The following C14orf39 variants were observed in gnomAD, a reference collection of about 807,000 sequenced individuals.
The protein encoded by C14orf39 is chromosome 14 open reading frame 39.
C14orf39 carries 66 observed loss-of-function variants against 85.6 expected under a neutral mutation model. That is an observed-to-expected ratio of 0.77 (90% CI 0.63 to 0.95). The LOEUF (loss-of-function observed/expected upper bound fraction) is 0.95, where lower values mean the gene tolerates loss of function less well. Ranked by LOEUF, C14orf39 falls within the 40% of genes least tolerant of loss-of-function variation. The pLI, the probability that C14orf39 is intolerant of heterozygous loss-of-function variation, is 0.00. For missense variants in C14orf39, 735 were observed against 663.9 expected, an observed-to-expected ratio of 1.11 and a Z score of -1.18; for synonymous variants, 242 against 214.0, an observed-to-expected ratio of 1.13 and a Z score of -1.14.
intron 5 of C14orf39, among the ~76,000 whole-genome samples, chr14:60,472,829 A>G (rs1039009282): frequency 3.3e-5 from 5 of 152,118 alleles, no homozygotes; most frequent in African/African-American, 1.2e-4. Flanking sequence ...CTTGGTTCCA[A>G]GTCTTTGCTA....
chr14:60,436,954 T>C lies in C14orf39; in HGVS notation c.1655A>G (p.Asp552Gly). The C allele has an allele frequency of 6.2e-7, 1 of 1,612,970 alleles. No individual in the cohort carries two copies. Among genetic ancestry groups the C allele is most frequent in the Non-Finnish European group, 8.5e-7 (1 of 1,179,270 alleles). Residue 552 changes from aspartate (D) to glycine (G), a missense_variant, in exon 18 of 18, where the codon GAT becomes GGT. Transcript: ENST00000321731. ...STHTFGAGKD[D>G]FSFPFSFGQG... ...TCCAAATGAAAATGGAAAACTAAAA[T>C]CATCTTTTCCAGCTCCAAATGTATG... is the stretch of plus-strand genomic sequence containing the variant.
chr14:60,439,088 C>T (rs74059822), intron 17 of C14orf39, among the ~76,000 whole-genome samples: 2,488 of 152,208 alleles, frequency 0.016, 94 homozygotes, highest in African/African-American at 0.057. Flanking sequence ...AAATGATAAA[C>T]GTCTGAGGTG....
At chr14:60,481,411 C>A (rs1375742252) in intron 4 of C14orf39, among the ~76,000 whole-genome samples, 1 of 152,062 alleles carries the variant, frequency 6.6e-6, no homozygotes, top group Non-Finnish European at 1.5e-5. Flanking sequence ...AATCCCAGCA[C>A]TTTGGGAGGC....
upstream of C14orf39, among the ~76,000 whole-genome samples, chr14:60,487,853 T>C (rs1016308748): frequency 5.3e-5 from 8 of 152,210 alleles, no homozygotes; most frequent in African/African-American, 1.9e-4. Flanking sequence ...TTGATTTGCA[T>C]TTCGCTATGA....
At chr14:60,473,874 T>C (rs1892233311) in intron 5 of C14orf39, among the ~76,000 whole-genome samples, 1 of 152,190 alleles carries the variant, frequency 6.6e-6, no homozygotes, top group South Asian at 2.1e-4. Flanking sequence ...TAGGATTGAC[T>C]AGGCAATGCA....
At chr14:60,478,837 G>A (rs1283125795) in intron 4 of C14orf39, among the ~76,000 whole-genome samples, 1 of 151,900 alleles carries the variant, frequency 6.6e-6, no homozygotes. Context: ...TAGAAAACAG[G>A]TGTCACATCA....
At chr14:60,475,958 C>G (rs144813723) in intron 5 of C14orf39, among the ~76,000 whole-genome samples, 62 of 152,132 alleles carry the variant, frequency 4.1e-4, no homozygotes, top group African/African-American at 1.4e-3. Flanking sequence ...CTCACCTTAG[C>G]AGATTAGAAA....
intron 8 of C14orf39, 57 bp downstream of exon 8, chr14:60,469,476 A>C: frequency 1.4e-6 from 1 of 700,458 alleles, no homozygotes; most frequent in Non-Finnish European, 2.1e-6. Context: ...GTCAACTAAC[A>C]TACCATTATA....
chr14:60,511,326 G>C, intron 1 of C14orf39: 55 of 1,495,186 alleles, frequency 3.7e-5, no homozygotes, highest in Non-Finnish European at 4.8e-5. Flanking sequence ...AGGGGAAGAA[G>C]ATGAGAGACC....
rs745750514 is a variant in C14orf39 at position 60,466,946 on chromosome 14, T to G, written c.866A>C (p.Lys289Thr). Residue 289 changes from lysine to threonine, a missense_variant, in exon 10 of 18, where the codon AAG (lysine) becomes ACG (threonine). Physicochemically the swap from Lys to Thr is moderately conservative, Grantham distance 78. Coordinates refer to ENST00000321731, the MANE Select transcript of C14orf39 (RefSeq NM_174978.3). ...AACTCTTGGTTCTGAAGAATGCATC[T>G]TTATTGGTCTTACTAATTTCTGAGA... ...YESQKLVRPI[K>T]MHSSEPRVAD... 22 of 1,476,266 alleles carry G rather than the reference T, an allele frequency of 1.5e-5. No individual in the cohort carries two copies. Among genetic ancestry groups the G allele is most frequent in the Non-Finnish European group, 1.3e-5 (15 of 1,116,238 alleles). 91.4% of individuals were successfully genotyped at this position (1,476,266 alleles called of 1,614,324 possible).
chr14:60,473,073 CCTGA>C (rs1261913750), intron 5 of C14orf39, among the ~76,000 whole-genome samples: 1 of 152,112 alleles, frequency 6.6e-6, no homozygotes, highest in East Asian at 1.9e-4. Context: ...CCTGTTGTTT[CCTGA>C]CTTTTTAATG....
rs1229113229 is a variant in C14orf39, at chr14:60,436,349, A to G, written c.*496T>C. 1 of 152,124 alleles carries G rather than the reference A, an allele frequency of 6.6e-6. No homozygotes were observed. Among genetic ancestry groups the G allele is most frequent in the South Asian group, 2.1e-4 (1 of 4,832 alleles). The allele number at this position is 152,124 out of a possible 1,614,324, so 9.4% of individuals were successfully genotyped here. On this transcript the variant is annotated 3_prime_UTR_variant, in exon 18 of 18. Coordinates refer to ENST00000321731, the MANE Select transcript of C14orf39 (RefSeq NM_174978.3). ...TAACACAGATTTTGTTATTAACATAAATTATTTGAAATTATTATTACAGTA... is the reference window on the plus strand; with the variant it reads ...TAACACAGATTTTGTTATTAACATAGATTATTTGAAATTATTATTACAGTA...
intron 17 of C14orf39, among the ~76,000 whole-genome samples, chr14:60,438,307 C>G (rs765082936): frequency 2.0e-5 from 3 of 152,102 alleles, no homozygotes; most frequent in African/African-American, 7.2e-5. Flanking sequence ...TGTTCTTCCC[C>G]TCTCCCTTTC....
chr14:60,501,664 A>G (rs1893150776), intron 1 of C14orf39, among the ~76,000 whole-genome samples: 1 of 152,222 alleles, frequency 6.6e-6, no homozygotes, highest in Non-Finnish European at 1.5e-5. Flanking sequence ...AATTTCATGT[A>G]AGCTATCTAT....
At position 60,491,804 on chromosome 14, in the gene C14orf39, C is replaced by A. The variant is rs1290113666; in HGVS notation, c.-8-6718G>T. On this transcript the variant is annotated intron_variant, in intron 2 of 5. Coordinates refer to the C14orf39 transcript ENST00000556799. The surrounding 1 kb of genome is among the most constrained non-coding windows in gnomAD (Gnocchi z 4.5). ...AGAGCAATTCTTAAATGTAAATATT[C>A]TCTCTCTCTTTTTCTCTCTCTCTCT... Among the ~76,000 whole-genome samples, 1 of 151,920 alleles carries A rather than the reference C, an allele frequency of 6.6e-6. No individual in the cohort carries two copies. The highest frequency in any genetic ancestry group is 1.5e-5 in the Non-Finnish European group (1 of 67,976).
chr14:60,509,280 G>A, intron 1 of C14orf39: 2 of 883,978 alleles, frequency 2.3e-6, no homozygotes, highest in Admixed American at 1.9e-5. Flanking sequence ...CCGGTAGTGT[G>A]TCCCGCTGCC....
intron 16 of C14orf39, among the ~76,000 whole-genome samples, chr14:60,451,820 A>G (rs1352657582): frequency 1.3e-5 from 2 of 152,202 alleles, no homozygotes; most frequent in African/African-American, 4.8e-5. Context: ...CATGTACCCT[A>G]GAACTTAAAG....
intron 4 of C14orf39, among the ~76,000 whole-genome samples, 187 bp downstream of exon 4, chr14:60,483,504 T>C (rs1027418146): frequency 4.6e-5 from 7 of 152,214 alleles, no homozygotes; most frequent in Admixed American, 1.3e-4. Context: ...TGAGCTCTTA[T>C]AGCTGTTTAG....
intron 1 of C14orf39, among the ~76,000 whole-genome samples, chr14:60,507,676 T>A (rs527457410): frequency 6.6e-6 from 1 of 152,192 alleles, no homozygotes; most frequent in African/African-American, 2.4e-5. Flanking sequence ...CGTGGCGTGA[T>A]CTGACCCGAC....
Sources: gnomAD v4.1 joint callset for allele counts (sites outside exome capture counted in the v4.1 genomes callset) on GRCh38, gnomAD v4.1.1 for gene constraint, Gnocchi (gnomAD v3.1) non-coding constraint, MANE v1.5 for transcripts, NCBI Gene and HGNC (gene_info 2026-07-23, HGNC 2026-07-21) for gene names.